The following TRHDE variants were observed in gnomAD, a reference collection of about 807,000 sequenced individuals.
TRHDE encodes thyrotropin releasing hormone degrading enzyme, also known as thyrotropin-releasing hormone-degrading ectoenzyme.
Under a neutral mutation model 125.7 loss-of-function variants are expected in TRHDE, and 72 were observed. That is an observed-to-expected ratio of 0.57 (90% CI 0.47 to 0.70). The LOEUF is 0.70. Ranked by LOEUF, TRHDE falls within the 30% of genes least tolerant of loss-of-function variation. TRHDE has a pLI of 0.00. For missense variants in TRHDE, 1,110 were observed against 1,327.1 expected (o/e 0.84, Z 2.54); for synonymous variants, 509 against 509.1 (o/e 1.00, Z 0.00).
chr12:72,595,313 G>C (rs1376684989), intron 12 of TRHDE, among the ~76,000 whole-genome samples: 1 of 151,550 alleles, frequency 6.6e-6, no homozygotes, highest in African/African-American at 2.4e-5. Context: ...ACAAAATAAA[G>C]GATATTTTTG....
intron 2 of TRHDE, among the ~76,000 whole-genome samples, chr12:72,342,933 G>T (rs1024727078): frequency 4.6e-5 from 7 of 152,058 alleles, no homozygotes; most frequent in African/African-American, 1.7e-4. Flanking sequence ...GCACTGTTGT[G>T]CGTGCTTTAC....
intron 9 of TRHDE, among the ~76,000 whole-genome samples, 179 bp from the exon 10 acceptor site, chr12:72,568,389 G>T (rs749019644): frequency 1.1e-4 from 16 of 151,944 alleles, no homozygotes; most frequent in Non-Finnish European, 2.1e-4. Flanking sequence ...CTTCTTAATG[G>T]CATTGAAAGA....
intron 15 of TRHDE, among the ~76,000 whole-genome samples, chr12:72,621,959 C>A (rs1010754151): frequency 2.0e-5 from 3 of 152,074 alleles, no homozygotes; most frequent in Admixed American, 2.0e-4. Flanking sequence ...TGACTTTATG[C>A]TAACTTTATT....
rs1479193618 is a variant in TRHDE at position 72,356,946 on chromosome 12, C to A, written c.1189-21049C>A. Among the ~76,000 whole-genome samples, 3 of 151,462 alleles carry A rather than the reference C, an allele frequency of 2.0e-5. No individual in the cohort carries two copies. The East Asian group carries it at 5.8e-4, about 29-fold the overall frequency. On this transcript the variant is annotated intron_variant, in intron 2 of 18. Coordinates refer to ENST00000261180, the MANE Select transcript of TRHDE (RefSeq NM_013381.3). The stretch of plus-strand genomic sequence containing the variant: ...GAAAATATCTATATTTTCGGAAATG[C>A]ATATAGTATGGATAAAATGACATAA...
intron 2 of TRHDE, among the ~76,000 whole-genome samples, chr12:72,247,899 A>G (rs1293687791): frequency 4.6e-5 from 7 of 152,148 alleles, no homozygotes. Flanking sequence ...GTATTTATGT[A>G]TCTATGAATG....
chr12:72,416,417 T>C (rs933126948), intron 3 of TRHDE, among the ~76,000 whole-genome samples: 2 of 152,074 alleles, frequency 1.3e-5, no homozygotes, highest in Non-Finnish European at 2.9e-5. Context: ...TTTTTGCTTT[T>C]TTTTCTCTGT....
At chr12:72,136,349 T>C (rs2139311307) in intron 2 of TRHDE, among the ~76,000 whole-genome samples, 1 of 152,282 alleles carries the variant, frequency 6.6e-6, no homozygotes, top group East Asian at 1.9e-4. Flanking sequence ...AAATGGGAAA[T>C]GCAATAAAGC....
chr12:72,670,073 A>T lies in TRHDE; in HGVS notation c.*6878A>T. On this transcript the variant is annotated 3_prime_UTR_variant, in exon 19 of 19. Transcript: ENST00000261180. ...AAATATTATGAACTATTTTGAGTGG[A>T]CCTAAATTTATTCAGTAATAAAGTT... 1 of 151,744 alleles carries T rather than the reference A, an allele frequency of 6.6e-6. No homozygotes were observed. The highest frequency in any genetic ancestry group is 1.9e-4 in the East Asian group (1 of 5,142). The allele number at this position is 151,744 out of a possible 1,614,324, so 9.4% of individuals were successfully genotyped here. A position where few individuals can be genotyped will look rare whatever the true frequency, so the allele number is the denominator to read the frequency against.
At chr12:72,139,088 C>A (rs1876054760) in intron 2 of TRHDE, among the ~76,000 whole-genome samples, 1 of 152,112 alleles carries the variant, frequency 6.6e-6, no homozygotes, top group Non-Finnish European at 1.5e-5. Flanking sequence ...TTGAAACAAT[C>A]CTTGATGTAC....
At chr12:72,466,387 C>T (rs111980527) in intron 3 of TRHDE, among the ~76,000 whole-genome samples, 15 of 152,232 alleles carry the variant, frequency 9.9e-5, no homozygotes, top group African/African-American at 3.4e-4. Context: ...ATGGAATTGC[C>T]TCTACTTTGT....
At chr12:72,214,615 T>C (rs987819737) in intron 2 of TRHDE, among the ~76,000 whole-genome samples, 1 of 152,182 alleles carries the variant, frequency 6.6e-6, no homozygotes, top group Non-Finnish European at 1.5e-5. Flanking sequence ...CTTTACAAGA[T>C]ATTTGAAACA....
Position 72,131,383 on chromosome 12 carries a change from T to C in TRHDE, n.279+25631T>C, listed in dbSNP as rs573207083. 2.7e-4 allele frequency among the ~76,000 whole-genome samples: 41 copies of C among 152,266 alleles called. 1 individual carries two copies. The highest frequency in any genetic ancestry group is 9.1e-4 in the Admixed American group (14 of 15,302). On this transcript the variant is annotated intron_variant and non_coding_transcript_variant, in intron 2 of 4. Transcript: ENST00000548156. Reference sequence around the variant, plus strand: ...CACCGCGCCCGGCCTCTACTTAATGTATTTTAAGTTTACCAAAAATTATAT... The same window carrying C: ...CACCGCGCCCGGCCTCTACTTAATGCATTTTAAGTTTACCAAAAATTATAT...
In TRHDE at chr12:72,365,578, T is replaced by G. The variant is rs184859895; in HGVS notation, c.1189-12417T>G. On this transcript the variant is annotated intron_variant, in intron 2 of 18. Coordinates refer to ENST00000261180, the MANE Select transcript of TRHDE (RefSeq NM_013381.3). ...TAATGTATTGGAAGCTTGGTAATAA[T>G]ATAGGTGAGTGATACAGGTGCACCA... Among the ~76,000 whole-genome samples, 429 of 152,188 alleles carry G rather than the reference T, an allele frequency of 2.8e-3. 1 individual carries two copies. The highest frequency in any genetic ancestry group is 4.8e-3 in the Non-Finnish European group (328 of 68,004).
intron 3 of TRHDE, among the ~76,000 whole-genome samples, chr12:72,469,187 T>C (rs1192907492): frequency 6.6e-6 from 1 of 152,108 alleles, no homozygotes; most frequent in Non-Finnish European, 1.5e-5. Flanking sequence ...AGCCTGTGGG[T>C]CCCCTCAATA....
At chr12:72,132,260 T>A (rs1875881844) in intron 2 of TRHDE, among the ~76,000 whole-genome samples, 1 of 152,090 alleles carries the variant, frequency 6.6e-6, no homozygotes, top group Non-Finnish European at 1.5e-5. Flanking sequence ...CTAGTAGTAC[T>A]AGTAGTTAAC....
chr12:72,511,862 A>G (rs1203089183), intron 6 of TRHDE, among the ~76,000 whole-genome samples: 1 of 152,192 alleles, frequency 6.6e-6, no homozygotes, highest in Non-Finnish European at 1.5e-5. Context: ...GACTGAAAGA[A>G]AAAGTCTGTA....
At chr12:72,271,574 G>C (rs1259951223), upstream of TRHDE, among the ~76,000 whole-genome samples, 1 of 152,116 alleles carries the variant, frequency 6.6e-6, no homozygotes, top group Non-Finnish European at 1.5e-5. Context: ...TAATCTCCCA[G>C]TGCCTGCCTC....
In TRHDE at chr12:72,663,353, G is replaced by A. The variant is rs759644874; in HGVS notation, c.*158G>A. 1.5e-5 allele frequency: 8 copies of A among 526,526 alleles called. No homozygotes were observed. The highest frequency in any genetic ancestry group is 2.2e-5 in the Non-Finnish European group (7 of 314,974). The allele number at this position is 526,526 out of a possible 1,614,324, so 32.6% of individuals were successfully genotyped here. A position where few individuals can be genotyped will look rare whatever the true frequency, so the allele number is the denominator to read the frequency against. ...TTAGTTTTTATTTTTTGGTTTTGGG[G>A]GATATTTTTTATTTGTTTCATTCAT... On this transcript the variant is annotated 3_prime_UTR_variant, in exon 19 of 19. Coordinates refer to ENST00000261180, the MANE Select transcript of TRHDE (RefSeq NM_013381.3).
chr12:72,525,553 A>G (rs1868315806), intron 6 of TRHDE, among the ~76,000 whole-genome samples: 1 of 151,806 alleles, frequency 6.6e-6, no homozygotes, highest in African/African-American at 2.4e-5. Context: ...ATATAATCAC[A>G]AGAAGCCTTG....
Sources: gnomAD v4.1 joint callset for allele counts (sites outside exome capture counted in the v4.1 genomes callset) on GRCh38, gnomAD v4.1.1 for gene constraint, MANE v1.5 for transcripts, NCBI Gene and HGNC (gene_info 2026-07-23, HGNC 2026-07-21) for gene names.